UQCRFS1: variants seen among roughly 807,000 people sequenced by gnomAD.
UQCRFS1 encodes ubiquinol-cytochrome c reductase, Rieske iron-sulfur polypeptide 1.
A neutral mutation model predicts 15.6 loss-of-function variants in UQCRFS1; 6 were observed. The ratio of observed to expected loss-of-function variants is 0.38; its 90% confidence interval spans 0.21 to 0.76. The LOEUF is 0.76. Among genes scored for constraint, UQCRFS1 ranks in the 30% least tolerant of loss-of-function variants. The pLI is 0.44. For missense variants in UQCRFS1, 203 were observed against 366.7 expected (o/e 0.55, Z 3.65); for synonymous variants, 105 against 154.3 (o/e 0.68, Z 2.37).
chr19:29,210,164 C>T (rs577848554), intron 1 of UQCRFS1, among the ~76,000 whole-genome samples: 45 of 152,210 alleles, frequency 3.0e-4, no homozygotes, highest in African/African-American at 1.1e-3. Context: ...AATAGTACAA[C>T]CTTCCTCTCC....
rs74181465 is a variant in UQCRFS1 at position 29,212,384 on chromosome 19, GT to G, written c.214+520del. 1.5e-3 allele frequency among the ~76,000 whole-genome samples: 218 copies of G among 145,694 alleles called. 2 individuals are homozygous for G. The highest frequency in any genetic ancestry group is 3.9e-3 in the African/African-American group (154 of 39,508). ...AACTGACCTTGTGTATGTTTTTTTTGTTTTTTTTTTGGTGGGGGGGTGATGA... is the reference window on the plus strand; with the variant it reads ...AACTGACCTTGTGTATGTTTTTTTTGTTTTTTTTTGGTGGGGGGGTGATGA... On this transcript the variant is annotated intron_variant, in intron 1 of 1. Transcript: ENST00000304863.
chr19:29,212,714 G>C (rs1976670603), intron 1 of UQCRFS1, among the ~76,000 whole-genome samples, 191 bp downstream of exon 1: 2 of 152,306 alleles, frequency 1.3e-5, no homozygotes, highest in East Asian at 3.9e-4. Flanking sequence ...GGCGAAGCCG[G>C]CGGACGCGAG....
Position 29,212,893 on chromosome 19 carries a change from G to A in UQCRFS1, c.214+12C>T. Reference sequence around the variant, plus strand: ...ACCCCCAGCCCTGCTCGCGGCCCTCGCCCCGGCTCACCATTGAGGCCCACG... The same window carrying A: ...ACCCCCAGCCCTGCTCGCGGCCCTCACCCCGGCTCACCATTGAGGCCCACG... On this transcript the variant is annotated intron_variant, in intron 1 of 1. Transcript: ENST00000304863. 3 of 1,427,128 alleles carry A rather than the reference G, an allele frequency of 2.1e-6. No homozygotes were observed. The highest frequency in any genetic ancestry group is 2.7e-6 in the Non-Finnish European group (3 of 1,101,460). The allele number at this position is 1,427,128 out of a possible 1,614,324, so 88.4% of individuals were successfully genotyped here.
rs1976606315 is a variant in UQCRFS1, at chr19:29,207,647, G to A, written c.726C>T (p.His242=). Residue 242 remains histidine, a synonymous_variant, in exon 2 of 2, where the codon CAC becomes CAT. Transcript: ENST00000304863. ...GGYYCPCHGS[H]YDASGRIRLG... is the part of the protein sequence containing the mutation. Reference sequence around the variant, plus strand: ...ATCTGATCCTGCCAGATGCATCATAGTGTGACCCATGGCAAGGGCAGTAAT... The same window carrying A: ...ATCTGATCCTGCCAGATGCATCATAATGTGACCCATGGCAAGGGCAGTAAT... 2 of 1,613,862 alleles carry A rather than the reference G, an allele frequency of 1.2e-6. No individual in the cohort carries two copies. The highest frequency in any genetic ancestry group is 1.1e-5 in the South Asian group (1 of 91,084).
rs1308650315 is a variant in UQCRFS1, at chr19:29,207,420, T to C, written c.*128A>G. The C allele has an allele frequency of 1.7e-5, 19 of 1,126,422 alleles. No homozygotes were observed. The highest frequency in any genetic ancestry group is 2.9e-4 in the Middle Eastern group (1 of 3,448). The allele number at this position is 1,126,422 out of a possible 1,614,324, so 69.8% of individuals were successfully genotyped here. ...TTAAATTCAATTTATTTCACATTAA[T>C]GTTTGCAAATACATCATCAATTCTT... On this transcript the variant is annotated 3_prime_UTR_variant, in exon 2 of 2. Coordinates refer to ENST00000304863, the MANE Select transcript of UQCRFS1 (RefSeq NM_006003.3).
At chr19:29,211,823 G>A (rs1328362884) in intron 1 of UQCRFS1, among the ~76,000 whole-genome samples, 2 of 152,194 alleles carry the variant, frequency 1.3e-5, no homozygotes, top group East Asian at 1.9e-4. Context: ...TTTGGTTAGC[G>A]TGTAGGGGAA....
chr19:29,210,684 T>A (rs568979492), intron 1 of UQCRFS1, among the ~76,000 whole-genome samples: 1 of 152,296 alleles, frequency 6.6e-6, no homozygotes, highest in Admixed American at 6.5e-5. Context: ...ACAAAGGACA[T>A]GAACTCATCA....
rs1976584256 is a variant in UQCRFS1, at chr19:29,205,465, CAA to C, written c.*2081_*2082del. 1.3e-5 allele frequency: 2 copies of C among 152,104 alleles called. No homozygotes were observed. Among genetic ancestry groups the C allele is most frequent in the Non-Finnish European group, 1.5e-5 (1 of 68,012 alleles). 9.4% of individuals were successfully genotyped at this position (152,104 alleles called of 1,614,324 possible). A position where few individuals can be genotyped will look rare whatever the true frequency, so the allele number is the denominator to read the frequency against. ...TGCCCTCTATACACTCAGATTGAGT[CAA>C]AGTTTTTACAAAGGTATGCTCAGAA... is the stretch of plus-strand genomic sequence containing the variant. On this transcript the variant is annotated 3_prime_UTR_variant, in exon 2 of 2. Transcript: ENST00000304863.
intron 1 of UQCRFS1, among the ~76,000 whole-genome samples, chr19:29,212,698 G>A (rs1976670152): frequency 6.6e-6 from 1 of 152,182 alleles, no homozygotes; most frequent in Non-Finnish European, 1.5e-5. Flanking sequence ...GGCCGAGGAG[G>A]AACCAGGCGA....
chr19:29,208,217 A>T (rs1442376031), intron 1 of UQCRFS1, 59 bp from the exon 2 acceptor site: 4 of 1,520,266 alleles, frequency 2.6e-6, no homozygotes, highest in East Asian at 2.3e-5. Flanking sequence ...AAGGGAGTAT[A>T]TATCAGGAAA....
chr19:29,207,504 T>C lies in UQCRFS1; in HGVS notation c.*44A>G. 6.6e-7 allele frequency: 1 copy of C among 1,525,288 alleles called. No homozygotes were observed. The highest frequency in any genetic ancestry group is 8.8e-7 in the Non-Finnish European group (1 of 1,136,336). 94.5% of individuals were successfully genotyped at this position (1,525,288 alleles called of 1,614,324 possible). ...TTCCTCTCAAATAAGTCTCCTGAGG[T>C]GACATAAAGACTGAAAGAAGCCTAT... On this transcript the variant is annotated 3_prime_UTR_variant, in exon 2 of 2. Transcript: ENST00000304863.
At chr19:29,210,605 G>C (rs1976636322) in intron 1 of UQCRFS1, among the ~76,000 whole-genome samples, 1 of 148,368 alleles carries the variant, frequency 6.7e-6, no homozygotes, top group African/African-American at 2.5e-5. Context: ...GTGAGAACAT[G>C]CAGTGTTTGT....
chr19:29,206,661 G>C lies in UQCRFS1; in HGVS notation c.*887C>G, dbSNP rs894428526. Reference sequence around the variant, plus strand: ...TGCTGAGTGACTGTAAACCCAACAGGAAAAAACATTCAAAGTGTCATCACT... The same window carrying C: ...TGCTGAGTGACTGTAAACCCAACAGCAAAAAACATTCAAAGTGTCATCACT... On this transcript the variant is annotated 3_prime_UTR_variant, in exon 2 of 2. Coordinates refer to ENST00000304863, the MANE Select transcript of UQCRFS1 (RefSeq NM_006003.3). 3 of 152,140 alleles carry C rather than the reference G, an allele frequency of 2.0e-5. No homozygotes were observed. The allele number at this position is 152,140 out of a possible 1,614,324, so 9.4% of individuals were successfully genotyped here.
intron 1 of UQCRFS1, among the ~76,000 whole-genome samples, chr19:29,211,520 T>C (rs185571525): frequency 2.0e-5 from 3 of 152,322 alleles, no homozygotes; most frequent in African/African-American, 7.2e-5. Flanking sequence ...ACTAACTGTA[T>C]ACAAAATCCG....
chr19:29,208,258 C>CA (rs1232629296), intron 1 of UQCRFS1, 100 bp from the exon 2 acceptor site: 2 of 1,452,000 alleles, frequency 1.4e-6, no homozygotes, highest in African/African-American at 2.8e-5. Context: ...GGTAAAAAAT[C>CA]AAATTCTAAA....
chr19:29,206,294 T>C lies in UQCRFS1; in HGVS notation c.*1254A>G, dbSNP rs907097648. Reference sequence around the variant, plus strand: ...TATCTACTCATAAGCATAGAAAGTTTGACATTTTCTTTTTTCTGTCAACAC... The same window carrying C: ...TATCTACTCATAAGCATAGAAAGTTCGACATTTTCTTTTTTCTGTCAACAC... On this transcript the variant is annotated 3_prime_UTR_variant, in exon 2 of 2. Transcript: ENST00000304863. 6.6e-6 allele frequency: 1 copy of C among 152,228 alleles called. No homozygotes were observed. Among genetic ancestry groups the C allele is most frequent in the Non-Finnish European group, 1.5e-5 (1 of 68,046 alleles). The allele number at this position is 152,228 out of a possible 1,614,324, so 9.4% of individuals were successfully genotyped here. A position where few individuals can be genotyped will look rare whatever the true frequency, so the allele number is the denominator to read the frequency against.
At chr19:29,208,291 G>T in intron 1 of UQCRFS1, 133 bp from the exon 2 acceptor site, 1 of 1,244,288 alleles carries the variant, frequency 8.0e-7, no homozygotes. Flanking sequence ...GGCACTCACT[G>T]GGTCTCAGAA....
At chr19:29,212,447 G>GACCA (rs999776757) in intron 1 of UQCRFS1, among the ~76,000 whole-genome samples, 23 of 151,746 alleles carry the variant, frequency 1.5e-4, no homozygotes, top group Non-Finnish European at 1.5e-5. Context: ...GTGGTGAGAA[G>GACCA]ACCAACTTCC....
chr19:29,212,409 G>A (rs1976665099), intron 1 of UQCRFS1, among the ~76,000 whole-genome samples: 1 of 150,788 alleles, frequency 6.6e-6, no homozygotes, highest in African/African-American at 2.4e-5. Flanking sequence ...GGGGGGTGAT[G>A]AAGGGGAAGG....
Sources: gnomAD v4.1 joint callset for allele counts (sites outside exome capture counted in the v4.1 genomes callset) on GRCh38, gnomAD v4.1.1 for gene constraint, MANE v1.5 for transcripts, NCBI Gene and HGNC (gene_info 2026-07-23, HGNC 2026-07-21) for gene names.